The following PDZRN4 variants were observed in gnomAD, a reference collection of about 807,000 sequenced individuals.
The protein encoded by PDZRN4 is PDZ domain-containing RING finger protein 4.
PDZRN4 carries 70 observed loss-of-function variants against 99.0 expected under a neutral mutation model. That is an observed-to-expected ratio of 0.71 (90% CI 0.58 to 0.86). The LOEUF is 0.86. Ranked by LOEUF, PDZRN4 falls within the 40% of genes least tolerant of loss-of-function variation. The probability of loss-of-function intolerance (pLI) is 0.00; values close to 1 mark genes in which losing one functional copy is unlikely to be tolerated. For missense variants in PDZRN4, 1,474 were observed against 1,331.2 expected (o/e 1.11, Z -1.67); for synonymous variants, 551 against 501.6 (o/e 1.10, Z -1.32).
chr12:41,330,655 A>G (rs1167372566), intron 3 of PDZRN4, among the ~76,000 whole-genome samples: 2 of 152,062 alleles, frequency 1.3e-5, no homozygotes, highest in Non-Finnish European at 2.9e-5. Context: ...TACTGTTATT[A>G]AAATAAGAAA....
chr12:41,497,179 C>T (rs1565598540), intron 3 of PDZRN4, among the ~76,000 whole-genome samples: 1 of 152,096 alleles, frequency 6.6e-6, no homozygotes, highest in Non-Finnish European at 1.5e-5. Context: ...GGGCTAAGAG[C>T]ACATTTCCTC....
intron 3 of PDZRN4, among the ~76,000 whole-genome samples, chr12:41,243,516 T>A (rs1951113503): frequency 6.6e-6 from 1 of 152,206 alleles, no homozygotes; most frequent in Non-Finnish European, 1.5e-5. Flanking sequence ...TTCATGCAAG[T>A]GATATCACGG....
At chr12:41,382,930 G>C (rs1313830686) in intron 3 of PDZRN4, among the ~76,000 whole-genome samples, 1 of 152,152 alleles carries the variant, frequency 6.6e-6, no homozygotes, top group Non-Finnish European at 1.5e-5. Context: ...TCATTTTGCA[G>C]ACAAAAATAA....
intron 3 of PDZRN4, among the ~76,000 whole-genome samples, chr12:41,250,966 C>T (rs564520147): frequency 6.6e-6 from 1 of 152,276 alleles, no homozygotes; most frequent in East Asian, 1.9e-4. Flanking sequence ...TTTGACTGGA[C>T]CACAGCCAAC....
intron 5 of PDZRN4, among the ~76,000 whole-genome samples, chr12:41,538,200 A>T (rs563942826): frequency 3.3e-5 from 5 of 151,236 alleles, no homozygotes; most frequent in South Asian, 2.1e-4. Context: ...AAGGTATATT[A>T]AAAAAAAAGT....
At chr12:41,550,823 G>T (rs1274522005) in intron 5 of PDZRN4, among the ~76,000 whole-genome samples, 1 of 152,014 alleles carries the variant, frequency 6.6e-6, no homozygotes, top group South Asian at 2.1e-4. Context: ...CCTTGCTAAG[G>T]ATTTACCCAT....
chr12:41,567,805 A>C lies in PDZRN4; in HGVS notation c.1490A>C (p.Asp497Ala). The stretch of plus-strand genomic sequence containing the variant: ...CAGCTGGATGAAGGCTGGCTGGAAG[A>C]TGAAAGGAATGAATTCTTAGAGGAG... ...EIQLDEGWLEDERNEFLEELN... is the reference protein window; with the variant it reads ...EIQLDEGWLEAERNEFLEELN... The change falls in exon 9 of 10, where the codon GAT becomes GCT. Residue 497 changes from aspartate to alanine, a missense_variant. Physicochemically the swap from Asp to Ala is moderately radical, Grantham distance 126. Coordinates refer to ENST00000402685, the MANE Select transcript of PDZRN4 (RefSeq NM_001164595.2). The C allele has an allele frequency of 1.2e-6, 2 of 1,612,756 alleles. No homozygotes were observed. The highest frequency in any genetic ancestry group is 1.3e-5 in the African/African-American group (1 of 74,996).
chr12:41,423,291 C>T (rs1285865335), intron 3 of PDZRN4, among the ~76,000 whole-genome samples: 2 of 151,976 alleles, frequency 1.3e-5, no homozygotes, highest in East Asian at 3.9e-4. Flanking sequence ...GCTATCCCTC[C>T]CCTAGTCCCC....
chr12:41,255,377 C>T (rs986233979), intron 3 of PDZRN4, among the ~76,000 whole-genome samples: 9 of 152,072 alleles, frequency 5.9e-5, no homozygotes, highest in Non-Finnish European at 1.3e-4. Flanking sequence ...TGTTCATGGC[C>T]TGCTGGTGAA....
intron 5 of PDZRN4, among the ~76,000 whole-genome samples, chr12:41,513,204 A>C (rs1938339900): frequency 6.6e-6 from 1 of 152,062 alleles, no homozygotes; most frequent in South Asian, 2.1e-4. Flanking sequence ...GGACTGTAAC[A>C]GGTCCCTTCA....
chr12:41,563,573 G>A lies in PDZRN4; in HGVS notation c.1391G>A (p.Arg464Gln), dbSNP rs780684030. 5.6e-6 allele frequency: 9 copies of A among 1,613,216 alleles called. No homozygotes were observed. The highest frequency in any genetic ancestry group is 3.3e-5 in the Admixed American group (2 of 59,954). Residue 464 changes from arginine to glutamine, a missense_variant, in exon 8 of 10, where the codon CGA (arginine) becomes CAA (glutamine). By Grantham distance (43) the Arg-to-Gln change is conservative. Coordinates refer to ENST00000402685, the MANE Select transcript of PDZRN4 (RefSeq NM_001164595.2). Reference protein sequence around the residue: ...LQINGEDVQNREEAVALLSND... With the variant: ...LQINGEDVQNQEEAVALLSND... The stretch of plus-strand genomic sequence containing the variant: ...ATAAATGGGGAAGATGTCCAGAATC[G>A]AGAAGAAGCAGTGGCCTTGCTGTCT...
chr12:41,468,284 A>G (rs1952949321), intron 3 of PDZRN4, among the ~76,000 whole-genome samples: 3 of 152,314 alleles, frequency 2.0e-5, no homozygotes, highest in South Asian at 4.2e-4. Flanking sequence ...AGATTGAGCT[A>G]CTGGATCATT....
At position 41,521,227 on chromosome 12, in the gene PDZRN4, G is replaced by T. The variant is rs546921699; in HGVS notation, c.1203+11314G>T. Among the ~76,000 whole-genome samples the T allele has an allele frequency of 3.9e-5, 6 of 152,190 alleles. No individual in the cohort carries two copies. In the South Asian group the frequency reaches 1.0e-3, roughly 26 times the overall value. Reference sequence around the variant, plus strand: ...CAAAACATTTCAATAGTAGCAAAATGTTAGAAGTTAAATCTGATACTTTTT... The same window carrying T: ...CAAAACATTTCAATAGTAGCAAAATTTTAGAAGTTAAATCTGATACTTTTT... On this transcript the variant is annotated intron_variant, in intron 5 of 9. Transcript: ENST00000402685.
intron 3 of PDZRN4, among the ~76,000 whole-genome samples, chr12:41,342,885 A>G (rs542536695): frequency 6.6e-6 from 1 of 151,986 alleles, no homozygotes; most frequent in African/African-American, 2.4e-5. Flanking sequence ...TGAAATTTGT[A>G]CATAGAAGAG....
At chr12:41,405,231 G>A (rs536568370) in intron 3 of PDZRN4, among the ~76,000 whole-genome samples, 18 of 151,910 alleles carry the variant, frequency 1.2e-4, no homozygotes, top group Admixed American at 3.3e-4. Context: ...AACCAGAATC[G>A]ATAATGAACT....
At chr12:41,338,428 C>T (rs961180078) in intron 3 of PDZRN4, among the ~76,000 whole-genome samples, 1 of 151,768 alleles carries the variant, frequency 6.6e-6, no homozygotes, top group Non-Finnish European at 1.5e-5. Context: ...CTTATTTTTC[C>T]ATTTTGAATA....
chr12:41,420,341 A>G (rs971739966), intron 3 of PDZRN4, among the ~76,000 whole-genome samples: 1 of 152,160 alleles, frequency 6.6e-6, no homozygotes, highest in African/African-American at 2.4e-5. Flanking sequence ...TCCTATTAGA[A>G]AACAAGCAAA....
At chr12:41,552,529 A>G in intron 5 of PDZRN4, 127 bp from the exon 6 acceptor site, 1 of 583,134 alleles carries the variant, frequency 1.7e-6, no homozygotes, top group Non-Finnish European at 2.9e-6. Flanking sequence ...AAAAAAAGTT[A>G]ATTTCCAATG....
chr12:41,437,731 G>A (rs1418738177), intron 3 of PDZRN4: 13 of 1,454,122 alleles, frequency 8.9e-6, no homozygotes, highest in Non-Finnish European at 9.9e-6. Context: ...GTGTGTATCC[G>A]TGAGTGCAAG....
Sources: gnomAD v4.1 joint callset for allele counts (sites outside exome capture counted in the v4.1 genomes callset) on GRCh38, gnomAD v4.1.1 for gene constraint, MANE v1.5 for transcripts, NCBI Gene and HGNC (gene_info 2026-07-23, HGNC 2026-07-21) for gene names.